SMOC2: variants seen among roughly 807,000 people sequenced by gnomAD.
The protein encoded by SMOC2 is SPARC related modular calcium binding 2, also known as SPARC-related modular calcium-binding protein 2.
Under a neutral mutation model 61.4 loss-of-function variants are expected in SMOC2, and 39 were observed. That is an observed-to-expected ratio of 0.64 (90% confidence interval 0.49 to 0.83). The LOEUF is 0.83. Ranked by LOEUF, SMOC2 falls within the 40% of genes least tolerant of loss-of-function variation. The pLI is 0.00. For missense variants in SMOC2, 556 were observed against 592.9 expected (o/e 0.94, Z 0.65); for synonymous variants, 247 against 239.9 (o/e 1.03, Z -0.27).
intron 4 of SMOC2, among the ~76,000 whole-genome samples, chr6:168,534,041 T>C (rs760805487): frequency 7.2e-5 from 11 of 152,030 alleles, no homozygotes; most frequent in Admixed American, 2.6e-4. Flanking sequence ...AGCCCAGGAG[T>C]TTGAGACTGG....
intron 7 of SMOC2, among the ~76,000 whole-genome samples, chr6:168,563,822 C>G (rs1784480471): frequency 6.6e-6 from 1 of 152,130 alleles, no homozygotes. Context: ...AGCACAGCAG[C>G]ACAGGCCCGC....
chr6:168,664,376 T>C, intron 12 of SMOC2: 1 of 490,784 alleles, frequency 2.0e-6, no homozygotes, highest in South Asian at 1.8e-5. Flanking sequence ...TTTCCTTGTT[T>C]GGTAGATCTT....
intron 3 of SMOC2, among the ~76,000 whole-genome samples, chr6:168,527,132 G>T (rs540457046): frequency 2.6e-5 from 4 of 152,302 alleles, no homozygotes; most frequent in Admixed American, 2.0e-4. Context: ...TTACATCATC[G>T]TTTGGCCTTT....
At chr6:168,658,119 G>C (rs1162488591) in intron 11 of SMOC2, among the ~76,000 whole-genome samples, 2 of 152,176 alleles carry the variant, frequency 1.3e-5, no homozygotes, top group Non-Finnish European at 2.9e-5. Flanking sequence ...AGAGCAGGTG[G>C]CTGCCAGATC....
chr6:168,666,422 C>G lies in SMOC2; in HGVS notation c.1325C>G (p.Pro442Arg), dbSNP rs200655327. 25 of 1,613,610 alleles carry G rather than the reference C, an allele frequency of 1.5e-5. 1 individual carries two copies. Among genetic ancestry groups the G allele is most frequent in the Non-Finnish European group, 8.5e-7 (1 of 1,179,970 alleles). ...TCTTTTTTGTTTTTTCCTTTTCAGC[C>G]AAGGAAACAAGGATAAATGGCTCAT... ...GHAESTSNRQ[P>R]RKQG is the part of the protein sequence containing the mutation. Residue 442 changes from proline to arginine, a missense_variant and splice_region_variant, in exon 13 of 13, where the codon CCA becomes CGA. By Grantham distance (103) the Pro-to-Arg change is moderately radical (BLOSUM62 -2). Coordinates refer to ENST00000356284, the MANE Select transcript of SMOC2 (RefSeq NM_001166412.2).
Position 168,598,314 on chromosome 6 carries a change from G to T in SMOC2, c.638-504G>T, listed in dbSNP as rs189311996. Among the ~76,000 whole-genome samples, 131 of 152,308 alleles carry T rather than the reference G, an allele frequency of 8.6e-4. 1 individual carries two copies. Among genetic ancestry groups the T allele is most frequent in the African/African-American group, 2.9e-3 (122 of 41,566 alleles). ...GGGGGTGGGGGATGGACGATGAACCGCATGTTGAGAATGAGGAGAGAGGGG... is the reference window on the plus strand; with the variant it reads ...GGGGGTGGGGGATGGACGATGAACCTCATGTTGAGAATGAGGAGAGAGGGG... On this transcript the variant is annotated intron_variant, in intron 7 of 12. Coordinates refer to ENST00000356284, the MANE Select transcript of SMOC2 (RefSeq NM_001166412.2).
At chr6:168,460,982 G>T (rs1781709033) in intron 1 of SMOC2, among the ~76,000 whole-genome samples, 1 of 152,234 alleles carries the variant, frequency 6.6e-6, no homozygotes, top group South Asian at 2.1e-4. Flanking sequence ...TGTGTCTGTA[G>T]AAGTGCCCAG....
At chr6:168,576,518 G>A (rs752989167) in intron 7 of SMOC2, among the ~76,000 whole-genome samples, 16 of 152,198 alleles carry the variant, frequency 1.1e-4, no homozygotes, top group Middle Eastern at 3.4e-3. Flanking sequence ...GATCTCCTGT[G>A]AGGACCTTAG....
rs1417570152 is a variant in SMOC2, at chr6:168,451,593, GTCTCTGTC to G, written c.84+10145_84+10152del. 7.0e-3 allele frequency among the ~76,000 whole-genome samples: 655 copies of G among 94,192 alleles called. 7 individuals carry two copies. The highest frequency in any genetic ancestry group is 0.026 in the African/African-American group (574 of 21,718). The allele number at this position is 94,192 out of a possible 152,430, so 61.8% of individuals were successfully genotyped here. A position where few individuals can be genotyped will look rare whatever the true frequency, so the allele number is the denominator to read the frequency against. ...TCGCGCTCTCTCTCTGTCTCTCTCT[GTCTCTGTC>G]TCTCTCTCTCTCTCTCTCTCTCTCT... On this transcript the variant is annotated intron_variant, in intron 1 of 12. Transcript: ENST00000356284.
chr6:168,654,085 T>G, intron 11 of SMOC2, among the ~76,000 whole-genome samples: 1 of 88,646 alleles, frequency 1.1e-5, no homozygotes, highest in Non-Finnish European at 2.2e-5. Context: ...AACCAAATGT[T>G]AGGAACTCAC....
At chr6:168,655,915 T>C (rs1212178917) in intron 11 of SMOC2, among the ~76,000 whole-genome samples, 11 of 151,814 alleles carry the variant, frequency 7.2e-5, no homozygotes, top group Non-Finnish European at 1.3e-4. Context: ...ACTGTACACA[T>C]GTACTGGATC....
chr6:168,500,315 A>T (rs1008485405), intron 1 of SMOC2, among the ~76,000 whole-genome samples: 1 of 151,950 alleles, frequency 6.6e-6, no homozygotes, highest in South Asian at 2.1e-4. Flanking sequence ...AGAAGAAGAA[A>T]AAAGAAAAAA....
chr6:168,557,154 C>G (rs982865877), intron 7 of SMOC2, among the ~76,000 whole-genome samples: 1 of 152,010 alleles, frequency 6.6e-6, no homozygotes, highest in African/African-American at 2.4e-5. Flanking sequence ...TTTTTTATTT[C>G]TAAGTTTTTC....
At chr6:168,546,980 T>G (rs1583099213) in intron 5 of SMOC2, 139 bp from the exon 6 acceptor site, 8 of 946,598 alleles carry the variant, frequency 8.5e-6, no homozygotes, top group Non-Finnish European at 1.4e-5. Context: ...CAGCATCGCG[T>G]TGGGTCTGTG....
chr6:168,547,677 T>C (rs1027145342), intron 6 of SMOC2, among the ~76,000 whole-genome samples: 2 of 152,048 alleles, frequency 1.3e-5, no homozygotes, highest in African/African-American at 4.8e-5. Context: ...TGCTTGGCTG[T>C]AGAAATAATT....
At chr6:168,632,135 G>A (rs1479463693) in intron 9 of SMOC2, among the ~76,000 whole-genome samples, 1 of 152,100 alleles carries the variant, frequency 6.6e-6, no homozygotes, top group African/African-American at 2.4e-5. Flanking sequence ...CTGAAATTTT[G>A]TCAATGACAG....
intron 1 of SMOC2, among the ~76,000 whole-genome samples, chr6:168,458,692 G>A (rs897617225): frequency 6.3e-4 from 96 of 152,224 alleles, no homozygotes; most frequent in African/African-American, 2.3e-3. Flanking sequence ...GAGATGTGAA[G>A]TGCTTGTTCT....
intron 7 of SMOC2, among the ~76,000 whole-genome samples, chr6:168,570,862 T>C (rs1784648240): frequency 6.6e-6 from 1 of 152,228 alleles, no homozygotes; most frequent in South Asian, 2.1e-4. Context: ...ATTTCTGTGT[T>C]ATTTATTTGT....
In SMOC2 at chr6:168,653,079, T is replaced by G. The variant is rs1239536627; in HGVS notation, c.1136T>G (p.Leu379Arg). 5 of 1,614,204 alleles carry G rather than the reference T, an allele frequency of 3.1e-6. No homozygotes were observed. ...GAAATCAAACCCTTCAAGAGGTTCCTTCGCAAAAAATCAAAGCCCAAAAAA... is the reference window on the plus strand; with the variant it reads ...GAAATCAAACCCTTCAAGAGGTTCCGTCGCAAAAAATCAAAGCCCAAAAAA... The part of the protein sequence containing the change: ...KKEIKPFKRF[L>R]RKKSKPKKCV... The change falls in exon 11 of 13, where the codon CTT becomes CGT. Residue 379 changes from leucine to arginine, a missense_variant. Physicochemically the swap from Leu to Arg is moderately radical, Grantham distance 102. Coordinates refer to ENST00000356284, the MANE Select transcript of SMOC2 (RefSeq NM_001166412.2).
Sources: allele counts gnomAD v4.1 joint callset (sites outside exome capture counted in the v4.1 genomes callset), GRCh38; gene constraint gnomAD v4.1.1; transcripts MANE v1.5; gene names NCBI Gene and HGNC (gene_info 2026-07-23, HGNC 2026-07-21).